DRC11: variants seen among roughly 807,000 people sequenced by gnomAD.
DRC11 encodes IQ and AAA domain-containing protein 1.
At chr2:236,311,199 G>A in the DRC11 span, among the ~76,000 whole-genome samples, 2 of 152,194 alleles carry the variant, frequency 1.3e-5, no homozygotes, top group Non-Finnish European at 2.9e-5. This position sits in a 1 kb window ranked among gnomAD's most constrained non-coding sequence, Gnocchi z 6.9. Flanking sequence ...GCCTCTCAAT[G>A]AGATCTCCCC....
chr2:236,465,100 TCC>T, the DRC11 span, among the ~76,000 whole-genome samples: 3 of 152,038 alleles, frequency 2.0e-5, no homozygotes, highest in East Asian at 3.9e-4. This position sits in a 1 kb window ranked among gnomAD's most constrained non-coding sequence, Gnocchi z 6.2. Flanking sequence ...AGGTGTCTAG[TCC>T]CAGGAATCAG....
chr2:236,507,147 GA>G, the DRC11 span: 1 of 1,108,062 alleles, frequency 9.0e-7, no homozygotes, highest in South Asian at 1.3e-5. Context: ...GGGAAGTTGA[GA>G]GGGGAGGAGA....
chr2:236,310,489 G>A, the DRC11 span, among the ~76,000 whole-genome samples: 5 of 152,180 alleles, frequency 3.3e-5, no homozygotes, highest in East Asian at 9.6e-4. This position sits in a 1 kb window ranked among gnomAD's most constrained non-coding sequence, Gnocchi z 5.5. Flanking sequence ...GTGTGAGTAT[G>A]TATCATGCAA....
chr2:236,377,549 T>G, the DRC11 span, among the ~76,000 whole-genome samples: 1 of 152,206 alleles, frequency 6.6e-6, no homozygotes, highest in Admixed American at 6.5e-5. The surrounding 1 kb of genome is among the most constrained non-coding windows in gnomAD (Gnocchi z 4.9). Flanking sequence ...AATTATATAT[T>G]CGGCTAGCAT....
At chr2:236,356,645 C>G in the DRC11 span, among the ~76,000 whole-genome samples, 13,962 of 125,374 alleles carry the variant, frequency 0.11, 102 homozygotes, top group Non-Finnish European at 0.14. Flanking sequence ...TCAGAGCTTT[C>G]ATGCAATTAA....
At chr2:236,354,065 TGAG>T in the DRC11 span, among the ~76,000 whole-genome samples, 9 of 152,230 alleles carry the variant, frequency 5.9e-5, no homozygotes, top group Non-Finnish European at 1.0e-4. Context: ...TATACTAGAA[TGAG>T]AAGCCTGGCT....
chr2:236,500,525 G>A, the DRC11 span, among the ~76,000 whole-genome samples: 2 of 152,082 alleles, frequency 1.3e-5, no homozygotes, highest in African/African-American at 4.8e-5. This position sits in a 1 kb window ranked among gnomAD's most constrained non-coding sequence, Gnocchi z 6.3. Flanking sequence ...TCCCCAGCAC[G>A]TCCGAATGCC....
At chr2:236,378,961 T>C in the DRC11 span, among the ~76,000 whole-genome samples, 1 of 152,070 alleles carries the variant, frequency 6.6e-6, no homozygotes, top group Non-Finnish European at 1.5e-5. Context: ...CCCCTCCCCC[T>C]ATGGATGTCC....
the DRC11 span, among the ~76,000 whole-genome samples, chr2:236,501,219 T>A: frequency 6.6e-6 from 1 of 152,106 alleles, no homozygotes; most frequent in East Asian, 1.9e-4. Context: ...TAACTCACTA[T>A]CAAGAGAATG....
the DRC11 span, among the ~76,000 whole-genome samples, chr2:236,328,017 T>C: frequency 6.6e-6 from 1 of 152,218 alleles, no homozygotes. The surrounding 1 kb of genome is among the most constrained non-coding windows in gnomAD (Gnocchi z 6.7). Flanking sequence ...AATTTTCCTG[T>C]TTTTCCTCCC....
chr2:236,400,626 G>C, the DRC11 span, among the ~76,000 whole-genome samples: 1 of 152,224 alleles, frequency 6.6e-6, no homozygotes, highest in Non-Finnish European at 1.5e-5. The surrounding 1 kb of genome is among the most constrained non-coding windows in gnomAD (Gnocchi z 7.9). Flanking sequence ...TCCCGAAGCA[G>C]GCTCAGTACT....
chr2:236,491,030 TGTATATATATATACA>T, the DRC11 span, among the ~76,000 whole-genome samples: 11 of 134,470 alleles, frequency 8.2e-5, 1 homozygote, highest in Middle Eastern at 0.019. Context: ...TATATATGTG[TGTATATATATATACA>T]GTATATATAT....
chr2:236,406,049 G>A, the DRC11 span, among the ~76,000 whole-genome samples: 7 of 152,148 alleles, frequency 4.6e-5, no homozygotes, highest in East Asian at 7.7e-4. The surrounding 1 kb of genome is among the most constrained non-coding windows in gnomAD (Gnocchi z 4.7). Context: ...ACCATTTTTC[G>A]TAAGTTTCCG....
the DRC11 span, among the ~76,000 whole-genome samples, chr2:236,477,600 T>G: frequency 6.6e-6 from 1 of 152,108 alleles, no homozygotes; most frequent in South Asian, 2.1e-4. Flanking sequence ...TTTTAATAGT[T>G]TGAGTAGTAT....
chr2:236,331,553 T>C, the DRC11 span: 1 of 1,614,006 alleles, frequency 6.2e-7, no homozygotes. This position sits in a 1 kb window ranked among gnomAD's most constrained non-coding sequence, Gnocchi z 4.8. Context: ...TTCAAGGCAC[T>C]GGTGAGGACT....
At chr2:236,440,893 T>C in the DRC11 span, 560 of 593,498 alleles carry the variant, frequency 9.4e-4, 6 homozygotes, top group East Asian at 0.016. Flanking sequence ...TGAAAGTGTG[T>C]ACAATGATGA....
At chr2:236,389,525 G>A in the DRC11 span, among the ~76,000 whole-genome samples, 12 of 152,100 alleles carry the variant, frequency 7.9e-5, no homozygotes, top group Admixed American at 3.9e-4. Flanking sequence ...TTCGGCTCGC[G>A]ACCGGTGCGC....
the DRC11 span, among the ~76,000 whole-genome samples, chr2:236,498,832 T>C: frequency 6.6e-6 from 1 of 152,182 alleles, no homozygotes; most frequent in Admixed American, 6.5e-5. Flanking sequence ...TGGTAGAGAT[T>C]CCCACCTTCC....
the DRC11 span, among the ~76,000 whole-genome samples, chr2:236,464,045 C>T: frequency 6.6e-6 from 1 of 152,200 alleles, no homozygotes; most frequent in Admixed American, 6.5e-5. Context: ...GGGCAGCTGA[C>T]ACAATGGTCG....
Sources: allele counts gnomAD v4.1 joint callset (sites outside exome capture counted in the v4.1 genomes callset), GRCh38; gene constraint gnomAD v4.1.1; non-coding constraint Gnocchi (gnomAD v3.1); transcripts MANE v1.5; gene names NCBI Gene and HGNC (gene_info 2026-07-23, HGNC 2026-07-21).